The following MRPL21 variants were observed in gnomAD, a reference collection of about 807,000 sequenced individuals.
The protein encoded by MRPL21 is large ribosomal subunit protein bL21m.
MRPL21 carries 20 observed loss-of-function variants against 27.3 expected under a neutral mutation model. That is an observed-to-expected ratio of 0.73 (90% CI 0.52 to 1.06). The LOEUF is 1.06. Among genes scored for constraint, MRPL21 ranks in the 50% least tolerant of loss-of-function variants. MRPL21 has a pLI of 0.00. For synonymous variants in MRPL21, 98 were observed against 101.5 expected (o/e 0.97, Z 0.21); for missense variants, 249 against 251.4 (o/e 0.99, Z 0.06).
At chr11:68,893,278 T>C in intron 5 of MRPL21, 125 bp downstream of exon 5, 1 of 1,523,100 alleles carries the variant, frequency 6.6e-7, no homozygotes, top group Non-Finnish European at 8.8e-7. Flanking sequence ...TAAGTATAAA[T>C]GTTGTGTTTG....
chr11:68,893,140 A>G (rs950447480), intron 5 of MRPL21, 147 bp from the exon 6 acceptor site: 2 of 1,324,132 alleles, frequency 1.5e-6, no homozygotes, highest in Non-Finnish European at 2.0e-6. Context: ...GAAAACCACG[A>G]AAAAGGACCA....
intron 3 of MRPL21, among the ~76,000 whole-genome samples, chr11:68,897,183 G>A (rs1220721411): frequency 6.6e-6 from 1 of 152,128 alleles, no homozygotes; most frequent in Non-Finnish European, 1.5e-5. Flanking sequence ...CTGCACGCCT[G>A]TGCCCAGAGG....
rs1177790584 is a variant in MRPL21 at position 68,899,451 on chromosome 11, A to T, written c.146+1097T>A. On this transcript the variant is annotated intron_variant, in intron 2 of 6. Transcript: ENST00000362034. ...GGCTCCACACCAATCTGGGAGAGGA[A>T]TGAATGCTTTCCCAGTGGGGTAGGG... is the stretch of plus-strand genomic sequence containing the variant. Among the ~76,000 whole-genome samples, 21 of 152,158 alleles carry T rather than the reference A, an allele frequency of 1.4e-4. 1 individual carries two copies. Among genetic ancestry groups the T allele is most frequent in the Non-Finnish European group, 3.1e-4 (21 of 68,004 alleles).
chr11:68,892,105 G>A (rs71465409), intron 6 of MRPL21: 2 of 1,242,614 alleles, frequency 1.6e-6, no homozygotes, highest in Non-Finnish European at 2.0e-6. Context: ...GGGTGGAGAA[G>A]GGGAGCGAGG....
intron 1 of MRPL21, 53 bp from the exon 2 acceptor site, chr11:68,900,658 C>G (rs776793956): frequency 6.8e-7 from 1 of 1,480,126 alleles, no homozygotes; most frequent in Non-Finnish European, 9.4e-7. Flanking sequence ...CAAATGCAAA[C>G]TGCCCTTTAT....
chr11:68,891,310 T>C lies in MRPL21; in HGVS notation c.*21A>G, dbSNP rs1857640258. The C allele has an allele frequency of 6.2e-7, 1 of 1,611,952 alleles. No homozygotes were observed. The highest frequency in any genetic ancestry group is 1.3e-5 in the African/African-American group (1 of 74,892). On this transcript the variant is annotated 3_prime_UTR_variant, in exon 7 of 7. Coordinates refer to ENST00000362034, the MANE Select transcript of MRPL21 (RefSeq NM_181514.2). ...GAAGCAGGAGTTTATTTTTATCCTT[T>C]TGTAAGTATTAACTCGGTAATCACA...
chr11:68,894,249 A>G (rs993635277), intron 4 of MRPL21, among the ~76,000 whole-genome samples: 1 of 152,142 alleles, frequency 6.6e-6, no homozygotes, highest in African/African-American at 2.4e-5. Context: ...GTGGCTGCAG[A>G]TGAAGACATC....
At chr11:68,891,416 G>A in intron 6 of MRPL21, 21 bp from the exon 7 acceptor site, 1 of 1,613,308 alleles carries the variant, frequency 6.2e-7, no homozygotes. Context: ...GGATGTCACA[G>A]GCTTGACCAC....
intron 3 of MRPL21, 82 bp from the exon 4 acceptor site, chr11:68,896,760 T>G: frequency 6.4e-7 from 1 of 1,571,540 alleles, no homozygotes; most frequent in East Asian, 2.2e-5. Context: ...CTCCTGGTGG[T>G]GGGGCCCTAG....
intron 6 of MRPL21, 34 bp downstream of exon 6, chr11:68,892,856 G>C: frequency 6.3e-7 from 1 of 1,598,386 alleles, no homozygotes; most frequent in Non-Finnish European, 8.5e-7. Flanking sequence ...CCAGCACCGT[G>C]CAACAGGGCC....
chr11:68,893,195 C>T, intron 5 of MRPL21: 1 of 1,355,672 alleles, frequency 7.4e-7, no homozygotes, highest in Non-Finnish European at 9.8e-7. Context: ...CAGAGGACCA[C>T]ACTGTCATGA....
At chr11:68,898,182 A>G (rs1336226346) in intron 2 of MRPL21, among the ~76,000 whole-genome samples, 170 bp from the exon 3 acceptor site, 1 of 152,220 alleles carries the variant, frequency 6.6e-6, no homozygotes. Flanking sequence ...GGCTCCCTGT[A>G]TCCTTTTAGA....
At chr11:68,903,416 G>C (rs1023412299) in intron 1 of MRPL21, among the ~76,000 whole-genome samples, 1 of 152,186 alleles carries the variant, frequency 6.6e-6, no homozygotes, top group Non-Finnish European at 1.5e-5. Context: ...TGCGCCTGAA[G>C]TACTCTTCTT....
intron 2 of MRPL21, among the ~76,000 whole-genome samples, chr11:68,898,490 T>G (rs1288741982): frequency 6.6e-6 from 1 of 152,210 alleles, no homozygotes; most frequent in Non-Finnish European, 1.5e-5. Flanking sequence ...CGTTCCCTGC[T>G]CCACCTCCAC....
intron 6 of MRPL21, chr11:68,892,687 T>G (rs3019589): frequency 7.1e-7 from 1 of 1,416,518 alleles, no homozygotes; most frequent in South Asian, 1.3e-5. Context: ...GGGTCACGCG[T>G]GGAGCGTGGA....
chr11:68,903,732 G>A lies in MRPL21; in HGVS notation c.79C>T (p.Pro27Ser). Residue 27 changes from proline to serine, a missense_variant, in exon 1 of 7, where the codon CCC becomes TCC. Transcript: ENST00000362034. ...ATATCCCAGGTCTCACCTGCTCCGG[G>A]CCCCGAAGGTCTCAGGATGCTGTGG... ...CSHSILRPSG[P>S]GAASLWSASR... 1 of 1,613,308 alleles carries A rather than the reference G, an allele frequency of 6.2e-7. No individual in the cohort carries two copies. Among genetic ancestry groups the A allele is most frequent in the Non-Finnish European group, 8.5e-7 (1 of 1,180,024 alleles).
intron 3 of MRPL21, among the ~76,000 whole-genome samples, chr11:68,897,142 T>C (rs1056096442): frequency 3.3e-5 from 5 of 151,988 alleles, no homozygotes; most frequent in South Asian, 4.2e-4. Context: ...CCCAACCCCA[T>C]ATCCCACCCC....
chr11:68,897,983 G>A lies in MRPL21; in HGVS notation c.176C>T (p.Pro59Leu). The part of the protein sequence containing the change: ...GYVPKTSLSS[P>L]PWPEVVLPDP... ...TGGCAGAACAACTTCTGGCCAAGGT[G>A]GTGAACTCAGGGATGTTTTAGGAAC... The change falls in exon 3 of 7, where the codon CCA (proline) becomes CTA (leucine). Residue 59 changes from proline to leucine, a missense_variant. Physicochemically the swap from Pro to Leu is moderately conservative, Grantham distance 98. Coordinates refer to ENST00000362034, the MANE Select transcript of MRPL21 (RefSeq NM_181514.2). The A allele has an allele frequency of 6.2e-7, 1 of 1,614,140 alleles. No individual in the cohort carries two copies. The highest frequency in any genetic ancestry group is 8.5e-7 in the Non-Finnish European group (1 of 1,180,010).
chr11:68,901,674 C>T (rs542661829), intron 1 of MRPL21, among the ~76,000 whole-genome samples: 1 of 152,288 alleles, frequency 6.6e-6, no homozygotes, highest in Admixed American at 6.5e-5. Context: ...CATGGCCATT[C>T]CTCTGGTGAC....
Sources: allele counts gnomAD v4.1 joint callset (sites outside exome capture counted in the v4.1 genomes callset), GRCh38; gene constraint gnomAD v4.1.1; transcripts MANE v1.5; gene names NCBI Gene and HGNC (gene_info 2026-07-23, HGNC 2026-07-21).